The following CDH13 variants were observed in gnomAD, a reference collection of about 807,000 sequenced individuals.
CDH13 encodes cadherin-13.
Under a neutral mutation model 63.8 loss-of-function variants are expected in CDH13, and 24 were observed. That is an observed-to-expected ratio of 0.38 (90% CI 0.27 to 0.53). The LOEUF is 0.53. CDH13 is among the 20% of genes least tolerant of loss of function. The pLI, the probability that CDH13 is intolerant of heterozygous loss-of-function variation, is 0.85. For missense variants in CDH13, 1,049 were observed against 903.1 expected (o/e 1.16, Z -2.07); for synonymous variants, 503 against 355.3 (o/e 1.42, Z -4.67).
At chr16:83,760,984 T>G (rs1913921837) in intron 11 of CDH13, among the ~76,000 whole-genome samples, 1 of 152,194 alleles carries the variant, frequency 6.6e-6, no homozygotes, top group Non-Finnish European at 1.5e-5. Flanking sequence ...CAAATCATGT[T>G]CCCTGCAGTC....
chr16:82,705,130 T>G, intron 1 of CDH13: 1 of 455,996 alleles, frequency 2.2e-6, no homozygotes, highest in South Asian at 1.5e-5. Context: ...CCCGAGATAG[T>G]AACAGTCTTG....
intron 7 of CDH13, among the ~76,000 whole-genome samples, chr16:83,571,280 T>C (rs969045359): frequency 6.6e-6 from 1 of 152,062 alleles, no homozygotes; most frequent in East Asian, 1.9e-4. Context: ...AGATGGAAAA[T>C]TGTCACATGA....
intron 6 of CDH13, among the ~76,000 whole-genome samples, chr16:83,394,582 A>G (rs1314156397): frequency 1.3e-5 from 2 of 152,294 alleles, no homozygotes; most frequent in East Asian, 1.9e-4. Flanking sequence ...CCCAGCGTTT[A>G]CTCACAAGGA....
rs563960757 is a variant in CDH13 at position 83,125,315 on chromosome 16, C to G, written c.367-70C>G. 3.9e-5 allele frequency: 33 copies of G among 838,128 alleles called. No individual in the cohort carries two copies. The South Asian group carries it at 4.8e-4, about 12-fold the overall frequency. 51.9% of individuals were successfully genotyped at this position (838,128 alleles called of 1,614,324 possible). ...TGTATGCTTTCCCAACAAAGGAACTCTATCTCGGAGCAGACTGATACATCA... is the reference window on the plus strand; with the variant it reads ...TGTATGCTTTCCCAACAAAGGAACTGTATCTCGGAGCAGACTGATACATCA... On this transcript the variant is annotated intron_variant, in intron 3 of 13. Transcript: ENST00000567109.
chr16:82,790,571 C>A (rs1483378928), intron 1 of CDH13, among the ~76,000 whole-genome samples: 1 of 152,144 alleles, frequency 6.6e-6, no homozygotes, highest in Non-Finnish European at 1.5e-5. Context: ...TCCTGCGTCC[C>A]ATAGTAGGGT....
At chr16:82,747,496 C>G (rs1021477467) in intron 1 of CDH13, among the ~76,000 whole-genome samples, 15 of 152,304 alleles carry the variant, frequency 9.8e-5, no homozygotes, top group African/African-American at 3.6e-4. Flanking sequence ...AGTATGGTCC[C>G]TGGACCAGCA....
At chr16:83,355,449 C>T (rs899068425) in intron 6 of CDH13, among the ~76,000 whole-genome samples, 2 of 152,182 alleles carry the variant, frequency 1.3e-5, no homozygotes, top group African/African-American at 4.8e-5. Context: ...TCTCTTCATC[C>T]TTCAACTTCC....
chr16:83,217,386 C>T lies in CDH13; in HGVS notation c.525C>T (p.Leu175=), dbSNP rs772859858. 6.2e-7 allele frequency: 1 copy of T among 1,613,874 alleles called. No homozygotes were observed. The highest frequency in any genetic ancestry group is 1.1e-5 in the South Asian group (1 of 91,082). Residue 175 remains leucine, a synonymous_variant, in exon 5 of 14, where the codon CTC becomes CTT. Transcript: ENST00000567109. ...SDRPERSKFR[L]TGKGVDQEPK... ...GGCCAGAAAGGTCCAAGTTCCGGCT[C>T]ACTGGAAAGGGAGTGGATCAAGAGC... is the stretch of plus-strand genomic sequence containing the variant.
At chr16:82,908,409 G>A (rs1351347467) in intron 2 of CDH13, among the ~76,000 whole-genome samples, 1 of 152,136 alleles carries the variant, frequency 6.6e-6, no homozygotes, top group Admixed American at 6.5e-5. Context: ...ACACTGGGAG[G>A]TCAAAAGCGG....
At chr16:83,207,163 T>C (rs1015997833) in intron 4 of CDH13, among the ~76,000 whole-genome samples, 3 of 152,216 alleles carry the variant, frequency 2.0e-5, no homozygotes, top group Non-Finnish European at 4.4e-5. Flanking sequence ...CACATTATTG[T>C]GCAACCATCA....
chr16:82,754,660 A>G (rs966264782), intron 1 of CDH13, among the ~76,000 whole-genome samples: 4 of 152,206 alleles, frequency 2.6e-5, no homozygotes, highest in African/African-American at 9.6e-5. Flanking sequence ...TTATTTATCT[A>G]TTAATTTATT....
chr16:83,232,450 G>A (rs1188356747), intron 5 of CDH13, among the ~76,000 whole-genome samples: 12 of 151,574 alleles, frequency 7.9e-5, no homozygotes, highest in African/African-American at 2.7e-4. Flanking sequence ...GCTTGAACCT[G>A]GGAGGCAGAA....
At chr16:82,843,677 T>C (rs143276798) in intron 1 of CDH13, among the ~76,000 whole-genome samples, 427 of 152,300 alleles carry the variant, frequency 2.8e-3, no homozygotes, top group African/African-American at 9.8e-3. Flanking sequence ...AGATAATTAA[T>C]AAAAACCTTC....
chr16:83,404,989 A>G (rs577453551), intron 6 of CDH13, among the ~76,000 whole-genome samples: 1 of 152,252 alleles, frequency 6.6e-6, no homozygotes, highest in South Asian at 2.1e-4. Flanking sequence ...CCATTATCTC[A>G]GGACCCAGAT....
intron 7 of CDH13, among the ~76,000 whole-genome samples, chr16:83,490,009 CCACACACACACA>C (rs10666213): frequency 0.028 from 3,814 of 137,366 alleles, 104 homozygotes; most frequent in African/African-American, 0.078. Context: ...GCTGCAGAAA[CCACACACACACA>C]CACACACACA....
intron 1 of CDH13, among the ~76,000 whole-genome samples, chr16:82,704,712 G>A (rs570720834): frequency 7.5e-4 from 114 of 152,290 alleles, no homozygotes; most frequent in African/African-American, 2.2e-3. Context: ...AGGATATGCC[G>A]TCAAATAGCC....
intron 5 of CDH13, among the ~76,000 whole-genome samples, chr16:83,254,490 G>T (rs62040380): frequency 1.3e-5 from 2 of 152,152 alleles, no homozygotes; most frequent in African/African-American, 4.8e-5. Flanking sequence ...AACAAGGCAC[G>T]CAGGATCAAA....
chr16:83,399,855 TGA>T (rs1440596972), intron 6 of CDH13, among the ~76,000 whole-genome samples: 1 of 152,152 alleles, frequency 6.6e-6, no homozygotes, highest in Non-Finnish European at 1.5e-5. Context: ...CAAACAGCTG[TGA>T]GAGTGAAGAA....
At chr16:83,301,672 G>A (rs1407797805) in intron 5 of CDH13, among the ~76,000 whole-genome samples, 1 of 152,116 alleles carries the variant, frequency 6.6e-6, no homozygotes, top group East Asian at 1.9e-4. Context: ...GAAATCTCCA[G>A]CTTGAACGTT....
Sources: gnomAD v4.1 joint callset for allele counts (sites outside exome capture counted in the v4.1 genomes callset) on GRCh38, gnomAD v4.1.1 for gene constraint, MANE v1.5 for transcripts, NCBI Gene and HGNC (gene_info 2026-07-23, HGNC 2026-07-21) for gene names.